PDE4D: variants seen among roughly 807,000 people sequenced by gnomAD.
PDE4D encodes the protein 3',5'-cyclic-AMP phosphodiesterase 4D.
In PDE4D, 24 loss-of-function variants were observed where a neutral mutation model predicts 87.4. That is an observed-to-expected ratio of 0.27 (90% CI 0.20 to 0.39). The LOEUF (loss-of-function observed/expected upper bound fraction) is 0.39. Among genes scored for constraint, PDE4D ranks in the 10% least tolerant of loss-of-function variants. The pLI is 1.00. For synonymous variants in PDE4D, 384 were observed against 383.2 expected, an observed-to-expected ratio of 1.00 and a Z score of -0.02; for missense variants, 714 against 1,041.0, an observed-to-expected ratio of 0.69 and a Z score of 4.32.
chr5:59,056,045 A>G (rs921455619), intron 5 of PDE4D, among the ~76,000 whole-genome samples: 1 of 152,204 alleles, frequency 6.6e-6, no homozygotes, highest in African/African-American at 2.4e-5. Context: ...ACAGGTCAGA[A>G]AAGTTCAGAG....
chr5:59,935,951 T>G (rs950650220), intron 3 of PDE4D, among the ~76,000 whole-genome samples: 1 of 152,248 alleles, frequency 6.6e-6, no homozygotes, highest in African/African-American at 2.4e-5. Flanking sequence ...GCATGTTTTA[T>G]AATCCTTTGG....
At chr5:59,851,144 C>T (rs1398625701) in intron 1 of PDE4D, among the ~76,000 whole-genome samples, 3 of 152,138 alleles carry the variant, frequency 2.0e-5, no homozygotes, top group African/African-American at 7.2e-5. Flanking sequence ...GAGAGCATTT[C>T]ATTTGCGGAA....
At chr5:60,050,810 A>G (rs1770042299) in intron 2 of PDE4D, among the ~76,000 whole-genome samples, 1 of 152,338 alleles carries the variant, frequency 6.6e-6, no homozygotes, top group East Asian at 1.9e-4. Context: ...GCAACAACAC[A>G]CATAGGCTCA....
At chr5:59,520,145 C>G (rs1457547269) in intron 1 of PDE4D, among the ~76,000 whole-genome samples, 1 of 152,056 alleles carries the variant, frequency 6.6e-6, no homozygotes, top group Non-Finnish European at 1.5e-5. Flanking sequence ...CACCTGTAGT[C>G]CCAGCTACTT....
chr5:59,689,812 T>G (rs1293000979), intron 1 of PDE4D, among the ~76,000 whole-genome samples: 1 of 152,116 alleles, frequency 6.6e-6, no homozygotes, highest in Non-Finnish European at 1.5e-5. Context: ...GATTGTATAT[T>G]TAGAAAACCC....
At chr5:59,990,526 A>G (rs1762900866) in intron 2 of PDE4D, among the ~76,000 whole-genome samples, 2 of 79,950 alleles carry the variant, frequency 2.5e-5, no homozygotes, top group African/African-American at 6.9e-5. Flanking sequence ...GGTACTGAGA[A>G]GATTTAAAAA....
intron 2 of PDE4D, among the ~76,000 whole-genome samples, chr5:60,015,976 C>T (rs939655834): frequency 7.9e-5 from 12 of 151,618 alleles, no homozygotes; most frequent in Admixed American, 2.0e-4. Flanking sequence ...CAAGCTCTGC[C>T]TCCTGGGTTC....
Position 58,989,681 on chromosome 5 carries a change from C to T in PDE4D, c.1452+74G>A, listed in dbSNP as rs563121446. 102 of 839,700 alleles carry T rather than the reference C, an allele frequency of 1.2e-4. No individual in the cohort carries two copies. The African/African-American group carries it at 1.6e-3, about 13-fold the overall frequency. The allele number at this position is 839,700 out of a possible 1,614,324, so 52.0% of individuals were successfully genotyped here. On this transcript the variant is annotated intron_variant, in intron 10 of 14. Transcript: ENST00000340635. Reference sequence around the variant, plus strand: ...ATCCAATTATCTTCTCCATTGAAAACCCTTCAGATAAAAGTTTAATAGACC... The same window carrying T: ...ATCCAATTATCTTCTCCATTGAAAATCCTTCAGATAAAAGTTTAATAGACC...
At chr5:59,065,002 A>C (rs1043843151) in intron 5 of PDE4D, among the ~76,000 whole-genome samples, 54 of 151,398 alleles carry the variant, frequency 3.6e-4, no homozygotes, top group Admixed American at 2.6e-4. Flanking sequence ...TGTAATAGCT[A>C]AGATACAGAG....
chr5:59,149,565 G>A (rs1779153787), intron 5 of PDE4D, among the ~76,000 whole-genome samples: 1 of 152,076 alleles, frequency 6.6e-6, no homozygotes, highest in South Asian at 2.1e-4. Flanking sequence ...AATGATACTG[G>A]AATGGAGATT....
intron 1 of PDE4D, among the ~76,000 whole-genome samples, chr5:59,252,646 C>T (rs1387014102): frequency 2.0e-5 from 3 of 151,974 alleles, no homozygotes; most frequent in Admixed American, 6.6e-5. Context: ...CTCAGCCTCT[C>T]GAGTAGGTGG....
intron 1 of PDE4D, among the ~76,000 whole-genome samples, chr5:59,691,396 A>C (rs987033880): frequency 7.2e-5 from 11 of 152,174 alleles, no homozygotes; most frequent in Non-Finnish European, 1.5e-4. Context: ...AGCCATAAAA[A>C]ATGATGAGTT....
chr5:59,388,751 C>A (rs1042941998), intron 1 of PDE4D, among the ~76,000 whole-genome samples: 1 of 151,852 alleles, frequency 6.6e-6, no homozygotes, highest in Non-Finnish European at 1.5e-5. Flanking sequence ...GACAGATATA[C>A]CATGAATGAC....
In PDE4D at chr5:58,974,715, C is replaced by T. The variant is rs1310535290; in HGVS notation, c.2379G>A (p.Glu793=). Residue 793 remains glutamate, a synonymous_variant, in exon 15 of 15, where the codon GAG becomes GAA. Transcript: ENST00000340635. Reference sequence around the variant, plus strand: ...TGACACAGGCTTCAGGCTGGCTTTCCTCTTCTTCCCCTACTGCCTCCTCTT... The same window carrying T: ...TGACACAGGCTTCAGGCTGGCTTTCTTCTTCTTCCCCTACTGCCTCCTCTT... ...QVEEEAVGEE[E]ESQPEACVID... is the part of the protein sequence containing the mutation. The T allele has an allele frequency of 6.2e-7, 1 of 1,611,574 alleles. No homozygotes were observed. The highest frequency in any genetic ancestry group is 1.3e-5 in the African/African-American group (1 of 74,808).
chr5:59,014,946 T>C (rs9716722), intron 6 of PDE4D, among the ~76,000 whole-genome samples: 15,773 of 152,068 alleles, frequency 0.1, 1,295 homozygotes, highest in East Asian at 0.48. Flanking sequence ...TGGAACAGAA[T>C]AGAGCCCTCA....
intron 1 of PDE4D, among the ~76,000 whole-genome samples, chr5:59,378,768 AT>A (rs1471220219): frequency 2.0e-4 from 30 of 152,296 alleles, no homozygotes; most frequent in Admixed American, 1.9e-3. Context: ...TGCCCATATT[AT>A]TTATGAGATT....
At chr5:59,459,609 T>C (rs917818634) in intron 1 of PDE4D, among the ~76,000 whole-genome samples, 7 of 152,222 alleles carry the variant, frequency 4.6e-5, no homozygotes, top group African/African-American at 1.4e-4. Context: ...CCTATGATAC[T>C]GAAATCATCC....
At chr5:59,078,702 G>A (rs1364563384) in intron 5 of PDE4D, among the ~76,000 whole-genome samples, 1 of 151,744 alleles carries the variant, frequency 6.6e-6, no homozygotes, top group Admixed American at 6.6e-5. Context: ...GTATTGATAG[G>A]GTTTCTTCAT....
At chr5:60,057,504 C>T (rs1429019681) in intron 2 of PDE4D, among the ~76,000 whole-genome samples, 1 of 152,026 alleles carries the variant, frequency 6.6e-6, no homozygotes, top group Admixed American at 6.6e-5. Flanking sequence ...CATTCCTCTT[C>T]AGTGCCTTCT....
Sources: gnomAD v4.1 joint callset for allele counts (sites outside exome capture counted in the v4.1 genomes callset) on GRCh38, gnomAD v4.1.1 for gene constraint, MANE v1.5 for transcripts, NCBI Gene and HGNC (gene_info 2026-07-23, HGNC 2026-07-21) for gene names.